The following TEAD1 variants were observed in gnomAD, a reference collection of about 807,000 sequenced individuals.
TEAD1 encodes TEA domain transcription factor 1.
In TEAD1, 9 loss-of-function variants were observed where a neutral mutation model predicts 54.9. The ratio of observed to expected loss-of-function variants is 0.16; its 90% confidence interval spans 0.10 to 0.29. The LOEUF (loss-of-function observed/expected upper bound fraction) is 0.29, where lower values mean the gene tolerates loss of function less well. Ranked by LOEUF, TEAD1 falls within the 10% of genes least tolerant of loss-of-function variation. The pLI, the probability that TEAD1 is intolerant of heterozygous loss-of-function variation, is 1.00. For missense variants in TEAD1, 387 were observed against 535.9 expected, an observed-to-expected ratio of 0.72 and a Z score of 2.74; for synonymous variants, 200 against 187.8, an observed-to-expected ratio of 1.07 and a Z score of -0.53.
chr11:12,688,012 C>G (rs1943369653), intron 2 of TEAD1, among the ~76,000 whole-genome samples: 2 of 152,198 alleles, frequency 1.3e-5, no homozygotes, highest in Non-Finnish European at 2.9e-5. Context: ...GCTGTGTTGG[C>G]AGGCAGGCAG....
intron 3 of TEAD1, 114 bp downstream of exon 3, chr11:12,764,548 T>A: frequency 7.7e-7 from 1 of 1,294,952 alleles, no homozygotes; most frequent in South Asian, 1.2e-5. Flanking sequence ...GAGTGATATT[T>A]GTAGAATTTT....
At chr11:12,740,835 A>G (rs993521542) in intron 2 of TEAD1, among the ~76,000 whole-genome samples, 3 of 152,134 alleles carry the variant, frequency 2.0e-5, no homozygotes, top group Non-Finnish European at 2.9e-5. Flanking sequence ...AAACCATATC[A>G]GTTGGCGGTT....
At chr11:12,738,466 T>G (rs763309142) in intron 2 of TEAD1, among the ~76,000 whole-genome samples, 6 of 152,202 alleles carry the variant, frequency 3.9e-5, no homozygotes. Context: ...ATCAAGAGAA[T>G]TTGAAGAGGT....
intron 3 of TEAD1, among the ~76,000 whole-genome samples, chr11:12,847,950 C>G (rs6486063): frequency 0.64 from 96,994 of 152,100 alleles, 32,696 homozygotes; most frequent in East Asian, 0.77. Flanking sequence ...CCACTGCTTT[C>G]TCTGTCGTGA....
chr11:12,846,761 T>G (rs1947161015), intron 3 of TEAD1, among the ~76,000 whole-genome samples: 1 of 152,194 alleles, frequency 6.6e-6, no homozygotes, highest in Non-Finnish European at 1.5e-5. Flanking sequence ...TGGATTGAAG[T>G]AGGATACTAA....
intron 3 of TEAD1, among the ~76,000 whole-genome samples, chr11:12,857,091 TC>T (rs1159240211): frequency 6.6e-6 from 1 of 152,236 alleles, no homozygotes; most frequent in Non-Finnish European, 1.5e-5. Context: ...ATGCCTTTCT[TC>T]TGGGATCTCT....
chr11:12,860,328 C>T (rs1438452261), intron 3 of TEAD1, among the ~76,000 whole-genome samples: 1 of 152,100 alleles, frequency 6.6e-6, no homozygotes, highest in Admixed American at 6.5e-5. Context: ...CTGACTAAGG[C>T]TTATGAGGAC....
chr11:12,902,912 C>T (rs981200314), intron 10 of TEAD1, among the ~76,000 whole-genome samples: 4 of 152,098 alleles, frequency 2.6e-5, no homozygotes, highest in Admixed American at 6.6e-5. Context: ...GAGACAATAG[C>T]TCCACTATAA....
intron 2 of TEAD1, among the ~76,000 whole-genome samples, chr11:12,694,310 GACGAGAGA>G (rs781147235): frequency 7.2e-5 from 11 of 152,038 alleles, no homozygotes; most frequent in Non-Finnish European, 1.5e-4. Flanking sequence ...AGGGGAGAGA[GACGAGAGA>G]ACAAACTAAC....
At chr11:12,736,445 A>G (rs1944533523) in intron 2 of TEAD1, among the ~76,000 whole-genome samples, 1 of 152,200 alleles carries the variant, frequency 6.6e-6, no homozygotes, top group South Asian at 2.1e-4. Flanking sequence ...TTAAGCTTTT[A>G]GATATTTTGC....
intron 10 of TEAD1, among the ~76,000 whole-genome samples, chr11:12,906,725 C>T (rs1948529044): frequency 6.6e-6 from 1 of 152,156 alleles, no homozygotes; most frequent in South Asian, 2.1e-4. Flanking sequence ...TGTGGATCTA[C>T]TTTCTGTCTG....
At position 12,940,125 on chromosome 11, in the gene TEAD1, G is replaced by A. The variant is rs185836983; in HGVS notation, c.*2903G>A. The A allele has an allele frequency of 6.6e-6, 1 of 152,280 alleles. No homozygotes were observed. The highest frequency in any genetic ancestry group is 1.9e-4 in the East Asian group (1 of 5,182). 9.4% of individuals were successfully genotyped at this position (152,280 alleles called of 1,614,324 possible). ...GGAGGAGCTGCAGAATGGGGCTCTG[G>A]TCTCTGGGCATTCATTTCCCTCATA... On this transcript the variant is annotated 3_prime_UTR_variant, in exon 13 of 13. Coordinates refer to ENST00000527636, the MANE Select transcript of TEAD1 (RefSeq NM_021961.6).
At chr11:12,909,331 A>G (rs1292240642) in intron 10 of TEAD1, among the ~76,000 whole-genome samples, 1 of 152,194 alleles carries the variant, frequency 6.6e-6, no homozygotes, top group African/African-American at 2.4e-5. Context: ...CTATTATTGA[A>G]TACTATGCAG....
chr11:12,812,252 G>T (rs1296630173), intron 3 of TEAD1, among the ~76,000 whole-genome samples: 2 of 152,266 alleles, frequency 1.3e-5, no homozygotes, highest in Middle Eastern at 3.4e-3. Flanking sequence ...CTTATTCAGT[G>T]ATGGCTTCCT....
chr11:12,915,193 G>A (rs547982223), intron 10 of TEAD1, among the ~76,000 whole-genome samples: 3 of 152,260 alleles, frequency 2.0e-5, no homozygotes, highest in Admixed American at 6.5e-5. Flanking sequence ...GCGCCTTAGA[G>A]GTTATCTGCT....
chr11:12,895,465 C>T (rs1328206558), intron 9 of TEAD1, among the ~76,000 whole-genome samples: 1 of 152,212 alleles, frequency 6.6e-6, no homozygotes, highest in Non-Finnish European at 1.5e-5. Flanking sequence ...AGCGTCCCAG[C>T]TCCTGTCCAG....
intron 3 of TEAD1, among the ~76,000 whole-genome samples, chr11:12,800,475 C>T (rs927687586): frequency 6.6e-6 from 1 of 152,132 alleles, no homozygotes; most frequent in Non-Finnish European, 1.5e-5. Context: ...GGGAGACTGA[C>T]AGGAAACACA....
At position 12,728,398 on chromosome 11, in the gene TEAD1, A is replaced by T. The variant is rs557013577; in HGVS notation, c.-54-35781A>T. ...TTTCATTGCTGGTTTATGTACTTCAAAGGTGTAGCACACAGATAGCCCTCC... is the reference window on the plus strand; with the variant it reads ...TTTCATTGCTGGTTTATGTACTTCATAGGTGTAGCACACAGATAGCCCTCC... On this transcript the variant is annotated intron_variant, in intron 2 of 12. Coordinates refer to ENST00000527636, the MANE Select transcript of TEAD1 (RefSeq NM_021961.6). Among the ~76,000 whole-genome samples, 2 of 152,178 alleles carry T rather than the reference A, an allele frequency of 1.3e-5. 1 individual carries two copies. Among genetic ancestry groups the T allele is most frequent in the Non-Finnish European group, 2.9e-5 (2 of 68,032 alleles).
At chr11:12,921,050 GCTA>G (rs1247702479) in intron 10 of TEAD1, 5 of 152,196 alleles carry the variant, frequency 3.3e-5, no homozygotes. Context: ...AATATAATGT[GCTA>G]CTGTTTGTGT....
Sources: allele counts gnomAD v4.1 joint callset (sites outside exome capture counted in the v4.1 genomes callset), GRCh38; gene constraint gnomAD v4.1.1; transcripts MANE v1.5; gene names NCBI Gene and HGNC (gene_info 2026-07-23, HGNC 2026-07-21).